Variants in CA12 observed in about 807,000 individuals in gnomAD.
CA12 encodes carbonate dehydratase XII.
A neutral mutation model predicts 46.8 loss-of-function variants in CA12; 36 were observed. The ratio of observed to expected loss-of-function variants is 0.77; its 90% CI spans 0.59 to 1.02. The LOEUF (loss-of-function observed/expected upper bound fraction) is 1.02, where lower values mean the gene tolerates loss of function less well. CA12 is among the 50% of genes least tolerant of loss of function. The pLI is 0.00. For synonymous variants in CA12, 202 were observed against 187.0 expected, an observed-to-expected ratio of 1.08 and a Z score of -0.65; for missense variants, 436 against 451.4, an observed-to-expected ratio of 0.97 and a Z score of 0.31.
In CA12 at chr15:63,339,499, C is replaced by T. The variant is rs2039047707; in HGVS notation, c.748-554G>A. Among the ~76,000 whole-genome samples the T allele has an allele frequency of 1.3e-5, 2 of 152,200 alleles. No homozygotes were observed. Among genetic ancestry groups the T allele is most frequent in the African/African-American group, 4.8e-5 (2 of 41,444 alleles). ...GTTGCTGCTTCCCCACATGTTTCAT[C>T]CATCTCTTGGTTCATCATGTCCTCA... On this transcript the variant is annotated intron_variant, in intron 7 of 10. Transcript: ENST00000178638. This position sits in a 1 kb window ranked among gnomAD's most constrained non-coding sequence, Gnocchi z 4.3.
chr15:63,342,235 C>T (rs955230118), intron 4 of CA12, 138 bp from the exon 5 acceptor site: 4 of 685,462 alleles, frequency 5.8e-6, no homozygotes, highest in African/African-American at 1.8e-5. Context: ...GTCTCTCAGA[C>T]CCTCCCCTTA....
rs748607537 is a variant in CA12 at position 63,337,613 on chromosome 15, C to T, written c.874+1206G>A. 3.9e-5 allele frequency among the ~76,000 whole-genome samples: 6 copies of T among 152,202 alleles called. No homozygotes were observed. In the East Asian group the frequency reaches 9.7e-4, roughly 25 times the overall value. On this transcript the variant is annotated intron_variant, in intron 8 of 10. Transcript: ENST00000178638. Reference sequence around the variant, plus strand: ...CTGGGATTACAGGCATGTGCCACCACGCCCGGCTAATTTTTGTATTTTTAG... The same window carrying T: ...CTGGGATTACAGGCATGTGCCACCATGCCCGGCTAATTTTTGTATTTTTAG...
intron 2 of CA12, among the ~76,000 whole-genome samples, chr15:63,352,253 C>T (rs548562731): frequency 2.0e-5 from 3 of 152,296 alleles, no homozygotes; most frequent in South Asian, 2.1e-4. Context: ...CATGGGGTTT[C>T]GCCATGTTGG....
In CA12 at chr15:63,346,593, C is replaced by T. The variant is rs768991156; in HGVS notation, c.223G>A (p.Glu75Lys). ...GCAGACAGATTGTAGCCTTGGAACT[C>T]GAGGGGCGTGAGGCTGGCGTCATAC... ...LQYDASLTPL[E>K]FQGYNLSANK... is the part of the protein sequence containing the mutation. The change falls in exon 3 of 11, where the codon GAG (glutamate) becomes AAG (lysine). Residue 75 changes from glutamate (E) to lysine (K), a missense_variant. Glu to Lys is a moderately conservative substitution (Grantham distance 56). Transcript: ENST00000178638. The T allele has an allele frequency of 9.3e-6, 15 of 1,611,266 alleles. No individual in the cohort carries two copies. The highest frequency in any genetic ancestry group is 1.3e-5 in the African/African-American group (1 of 74,788).
chr15:63,340,271 T>C lies in CA12; in HGVS notation c.747+17A>G. The C allele has an allele frequency of 6.2e-7, 1 of 1,613,990 alleles. No individual in the cohort carries two copies. The highest frequency in any genetic ancestry group is 8.5e-7 in the Non-Finnish European group (1 of 1,179,988). On this transcript the variant is annotated intron_variant, in intron 7 of 10. Coordinates refer to ENST00000178638, the MANE Select transcript of CA12 (RefSeq NM_001218.5). This position sits in a 1 kb window ranked among gnomAD's most constrained non-coding sequence, Gnocchi z 4.4. Reference sequence around the variant, plus strand: ...AGGTGCCGCGTGGACTCTGGCTGAGTCTGGCACGACAGTTACCTGCTCCTG... The same window carrying C: ...AGGTGCCGCGTGGACTCTGGCTGAGCCTGGCACGACAGTTACCTGCTCCTG...
At chr15:63,351,679 A>T (rs1313008428) in intron 2 of CA12, among the ~76,000 whole-genome samples, 1 of 151,628 alleles carries the variant, frequency 6.6e-6, no homozygotes, top group African/African-American at 2.4e-5. Context: ...AATTTCGTCC[A>T]CTCTTCAAAG....
intron 2 of CA12, among the ~76,000 whole-genome samples, chr15:63,354,098 G>A (rs2039266279): frequency 1.3e-5 from 2 of 152,176 alleles, no homozygotes; most frequent in Admixed American, 1.3e-4. Flanking sequence ...GTCCTGCCCA[G>A]AAGGAAAGGA....
rs536620520 is a variant in CA12, at chr15:63,348,038, C to T, written c.107-1329G>A. Among the ~76,000 whole-genome samples the T allele has an allele frequency of 1.7e-4, 26 of 152,256 alleles. No individual in the cohort carries two copies. In the East Asian group the frequency reaches 4.4e-3, roughly 26 times the overall value. ...ACCGTATCTGAGAGTGGGAAGAATC[C>T]GAAGTGATACTTGGTACCCAGGTTC... is the stretch of plus-strand genomic sequence containing the variant. On this transcript the variant is annotated intron_variant, in intron 2 of 10. Transcript: ENST00000178638. The surrounding 1 kb of genome is among the most constrained non-coding windows in gnomAD (Gnocchi z 4.6).
chr15:63,371,266 A>C (rs2039502391), intron 2 of CA12, among the ~76,000 whole-genome samples: 2 of 152,350 alleles, frequency 1.3e-5, no homozygotes, highest in Admixed American at 6.5e-5. Flanking sequence ...GGTTTGCCCC[A>C]GTGGAGGATC....
At chr15:63,364,643 T>A (rs918958099) in intron 2 of CA12, among the ~76,000 whole-genome samples, 1 of 152,200 alleles carries the variant, frequency 6.6e-6, no homozygotes, top group African/African-American at 2.4e-5. Context: ...TCATATGATA[T>A]CTGCTCACTG....
At position 63,355,165 on chromosome 15, in the gene CA12, A is replaced by C. The variant is rs1385784650; in HGVS notation, c.107-8456T>G. On this transcript the variant is annotated intron_variant, in intron 2 of 10. Coordinates refer to ENST00000178638, the MANE Select transcript of CA12 (RefSeq NM_001218.5). The surrounding 1 kb of genome is among the most constrained non-coding windows in gnomAD (Gnocchi z 4.1). The stretch of plus-strand genomic sequence containing the variant: ...TCTGGACTTTTCTGTGTCTGCTCCC[A>C]CCCCTCCTTTTCGTTCCAGCAGCGC... 2.0e-5 allele frequency among the ~76,000 whole-genome samples: 3 copies of C among 151,150 alleles called. No homozygotes were observed. The highest frequency in any genetic ancestry group is 7.3e-5 in the African/African-American group (3 of 41,022).
chr15:63,377,042 A>G (rs939565915), intron 1 of CA12, among the ~76,000 whole-genome samples: 1 of 152,166 alleles, frequency 6.6e-6, no homozygotes, highest in Non-Finnish European at 1.5e-5. Context: ...AAAGAGAACA[A>G]AAGTCACCCA....
chr15:63,328,330 C>T lies in CA12; in HGVS notation c.875-200G>A, dbSNP rs986737981. Among the ~76,000 whole-genome samples the T allele has an allele frequency of 9.3e-5, 14 of 149,898 alleles. No homozygotes were observed. Among genetic ancestry groups the T allele is most frequent in the South Asian group, 4.3e-4 (2 of 4,644 alleles). ...GAATTCATACTGCAATCCCTCCTTCCGATGCTCCTTTTTTTTTTTTTTTTG... is the reference window on the plus strand; with the variant it reads ...GAATTCATACTGCAATCCCTCCTTCTGATGCTCCTTTTTTTTTTTTTTTTG... On this transcript the variant is annotated intron_variant, in intron 8 of 10. Coordinates refer to ENST00000178638, the MANE Select transcript of CA12 (RefSeq NM_001218.5). The surrounding 1 kb of genome is among the most constrained non-coding windows in gnomAD (Gnocchi z 5.9).
At position 63,374,204 on chromosome 15, in the gene CA12, G is replaced by A. The variant is rs1029573409; in HGVS notation, c.106+1454C>T. ...CCCAGCCTATCTCTCTGACCTTAGAGCCCGTGACTCCGCTATCAACCCTTC... is the reference window on the plus strand; with the variant it reads ...CCCAGCCTATCTCTCTGACCTTAGAACCCGTGACTCCGCTATCAACCCTTC... On this transcript the variant is annotated intron_variant, in intron 2 of 10. Transcript: ENST00000178638. The surrounding 1 kb of genome is among the most constrained non-coding windows in gnomAD (Gnocchi z 4.4). Among the ~76,000 whole-genome samples the A allele has an allele frequency of 2.6e-5, 4 of 152,042 alleles. No individual in the cohort carries two copies. Among genetic ancestry groups the A allele is most frequent in the African/African-American group, 7.3e-5 (3 of 41,370 alleles).
chr15:63,381,710 C>CGCCG lies in CA12; in HGVS notation c.7_10dup (p.Arg4ProfsTer36). The CGCCG allele has an allele frequency of 6.9e-6, 11 of 1,603,698 alleles. No homozygotes were observed. Among genetic ancestry groups the CGCCG allele is most frequent in the Non-Finnish European group, 9.4e-6 (11 of 1,175,216 alleles). ...GAGCACGGCCGCCGCGTGCAGGCTG[C>CGCCG]GCCGGGGCATCTTCGCGGGCTCCTG... is the stretch of plus-strand genomic sequence containing the variant. On this transcript the variant is annotated frameshift_variant, in exon 1 of 11. Coordinates refer to ENST00000178638, the MANE Select transcript of CA12 (RefSeq NM_001218.5). LOFTEE classifies it high-confidence loss of function.
At chr15:63,360,954 T>A (rs2039354480) in intron 2 of CA12, among the ~76,000 whole-genome samples, 1 of 152,218 alleles carries the variant, frequency 6.6e-6, no homozygotes, top group Non-Finnish European at 1.5e-5. Flanking sequence ...GAGGGGAGAA[T>A]AAGCGAATCG....
In CA12 at chr15:63,373,160, T is replaced by C. The variant is rs1425624539; in HGVS notation, c.106+2498A>G. On this transcript the variant is annotated intron_variant, in intron 2 of 10. Transcript: ENST00000178638. This position sits in a 1 kb window ranked among gnomAD's most constrained non-coding sequence, Gnocchi z 4.9. ...TGGGCAGAACACTTGAGATCAGGAGTTCGAGACCAGCCTGGCCATCATGGT... is the reference window on the plus strand; with the variant it reads ...TGGGCAGAACACTTGAGATCAGGAGCTCGAGACCAGCCTGGCCATCATGGT... 6.6e-6 allele frequency among the ~76,000 whole-genome samples: 1 copy of C among 152,000 alleles called. No homozygotes were observed. Among genetic ancestry groups the C allele is most frequent in the Non-Finnish European group, 1.5e-5 (1 of 67,982 alleles).
At chr15:63,363,830 G>T (rs906791148) in intron 2 of CA12, among the ~76,000 whole-genome samples, 2 of 152,158 alleles carry the variant, frequency 1.3e-5, no homozygotes, top group African/African-American at 4.8e-5. Context: ...CCAAGGGATG[G>T]GTCGCTCCCT....
In CA12 at chr15:63,345,523, G is replaced by A. The variant is rs542708047; in HGVS notation, c.383C>T (p.Pro128Leu). 8.7e-6 allele frequency: 14 copies of A among 1,612,314 alleles called. No homozygotes were observed. Among genetic ancestry groups the A allele is most frequent in the Admixed American group, 3.3e-5 (2 of 60,016 alleles). The change falls in exon 4 of 11, where the codon CCG (proline) becomes CTG (leucine). Residue 128 changes from proline to leucine, a missense_variant. By Grantham distance (98) the Pro-to-Leu change is moderately conservative (BLOSUM62 -3). Coordinates refer to ENST00000178638, the MANE Select transcript of CA12 (RefSeq NM_001218.5). The surrounding 1 kb of genome is among the most constrained non-coding windows in gnomAD (Gnocchi z 4.3). ...GCTGACGGTGTGCTCAGAGCCGTGC[G>A]GGTCATTCGGGTTCCCCCAGTGCAG... ...LHLHWGNPND[P>L]HGSEHTVSGQ... is the part of the protein sequence containing the mutation.
Sources: gnomAD v4.1 joint callset for allele counts (sites outside exome capture counted in the v4.1 genomes callset) on GRCh38, gnomAD v4.1.1 for gene constraint, Gnocchi (gnomAD v3.1) non-coding constraint, MANE v1.5 for transcripts, NCBI Gene and HGNC (gene_info 2026-07-23, HGNC 2026-07-21) for gene names.